The following ZFAND3 variants were observed in gnomAD, a reference collection of about 807,000 sequenced individuals.
ZFAND3 encodes AN1-type zinc finger protein 3.
ZFAND3 carries 10 observed loss-of-function variants against 29.6 expected under a neutral mutation model. The observed-to-expected ratio is 0.34, with a 90% confidence interval of 0.21 to 0.57. The LOEUF (loss-of-function observed/expected upper bound fraction) is 0.57. Ranked by LOEUF, ZFAND3 falls within the 20% of genes least tolerant of loss-of-function variation. The probability of loss-of-function intolerance (pLI) is 0.86; values close to 1 mark genes in which losing one functional copy is unlikely to be tolerated. For synonymous variants in ZFAND3, 128 were observed against 112.6 expected (o/e 1.14, Z -0.87); for missense variants, 230 against 304.5 (o/e 0.76, Z 1.82).
intron 2 of ZFAND3, among the ~76,000 whole-genome samples, chr6:38,041,641 T>TTCTTCTTCC (rs1763766952): frequency 1.4e-4 from 2 of 14,582 alleles, no homozygotes; most frequent in African/African-American, 5.0e-4. Context: ...TTTCTTCTTC[T>TTCTTCTTCC]TCTTCTTCTT....
chr6:37,849,068 A>G (rs547374352), intron 1 of ZFAND3, among the ~76,000 whole-genome samples: 23 of 152,324 alleles, frequency 1.5e-4, no homozygotes, highest in South Asian at 8.3e-4. Context: ...AGTGTCTTCT[A>G]TTATTCTGGT....
chr6:38,008,578 C>T (rs1763090758), intron 2 of ZFAND3, among the ~76,000 whole-genome samples: 1 of 152,120 alleles, frequency 6.6e-6, no homozygotes, highest in Non-Finnish European at 1.5e-5. Context: ...ATGAGAACGC[C>T]ACTGTGGACA....
chr6:37,994,002 A>G (rs1561959289), intron 2 of ZFAND3, among the ~76,000 whole-genome samples: 1 of 152,204 alleles, frequency 6.6e-6, no homozygotes, highest in Non-Finnish European at 1.5e-5. Flanking sequence ...CCAACAGAGT[A>G]TATCATAGGA....
intron 2 of ZFAND3, among the ~76,000 whole-genome samples, chr6:37,942,849 A>G (rs1375921151): frequency 1.3e-5 from 2 of 152,172 alleles, no homozygotes; most frequent in Non-Finnish European, 1.5e-5. Context: ...TTTAGCTGAT[A>G]TAGCAGATAA....
intron 1 of ZFAND3, among the ~76,000 whole-genome samples, chr6:37,921,174 A>G (rs1024795829): frequency 2.0e-5 from 3 of 152,150 alleles, no homozygotes; most frequent in African/African-American, 7.2e-5. Context: ...GAATTCAGAA[A>G]TGTGACTAAT....
At chr6:38,055,800 T>G (rs1412895298) in intron 2 of ZFAND3, among the ~76,000 whole-genome samples, 2 of 152,158 alleles carry the variant, frequency 1.3e-5, no homozygotes, top group Non-Finnish European at 2.9e-5. Context: ...ATGCTAAGAG[T>G]ACCCTTAAAG....
intron 1 of ZFAND3, among the ~76,000 whole-genome samples, chr6:37,852,075 C>G (rs1203052633): frequency 6.6e-6 from 1 of 152,182 alleles, no homozygotes; most frequent in African/African-American, 2.4e-5. Context: ...TGCTTTTGGG[C>G]TTAGTTTATA....
At chr6:37,886,237 C>CAAAAAAA (rs55661554) in intron 1 of ZFAND3, among the ~76,000 whole-genome samples, 5 of 95,300 alleles carry the variant, frequency 5.2e-5, no homozygotes, top group Non-Finnish European at 8.5e-5. Context: ...GACTCTGTCT[C>CAAAAAAA]AAAAAAAAAA....
intron 1 of ZFAND3, among the ~76,000 whole-genome samples, chr6:37,828,856 T>C (rs2127366815): frequency 6.6e-6 from 1 of 152,228 alleles, no homozygotes; most frequent in Admixed American, 6.5e-5. Flanking sequence ...TTCACCGTGT[T>C]AGCCAGGATG....
intron 5 of ZFAND3, among the ~76,000 whole-genome samples, chr6:38,117,255 CCTTTT>C (rs1562005621): frequency 8.1e-6 from 1 of 123,332 alleles, no homozygotes; most frequent in African/African-American, 3.0e-5. Flanking sequence ...CTTGAAATAG[CCTTTT>C]TTTTTTTTTT....
At chr6:37,953,441 CTTTTTT>C (rs35182018) in intron 2 of ZFAND3, among the ~76,000 whole-genome samples, 11 of 106,210 alleles carry the variant, frequency 1.0e-4, no homozygotes, top group South Asian at 3.0e-4. Flanking sequence ...GCATAATTAT[CTTTTTT>C]TTTTTTTTTT....
chr6:38,024,470 CAAA>C (rs34123545), intron 2 of ZFAND3, among the ~76,000 whole-genome samples: 3 of 112,664 alleles, frequency 2.7e-5, no homozygotes, highest in South Asian at 2.6e-4. Context: ...GACTCCGTCT[CAAA>C]AAAAAAAAAA....
At chr6:37,849,591 G>C (rs1182860816) in intron 1 of ZFAND3, among the ~76,000 whole-genome samples, 1 of 152,134 alleles carries the variant, frequency 6.6e-6, no homozygotes, top group South Asian at 2.1e-4. Flanking sequence ...TGTATTTTTA[G>C]TAGAGACGGG....
At chr6:38,066,614 G>A (rs975263171) in intron 3 of ZFAND3, among the ~76,000 whole-genome samples, 4 of 152,066 alleles carry the variant, frequency 2.6e-5, no homozygotes, top group African/African-American at 7.2e-5. Flanking sequence ...GCTTGTGGAA[G>A]GTTTTATTAT....
chr6:38,113,697 T>C (rs1344911117), intron 4 of ZFAND3, among the ~76,000 whole-genome samples: 1 of 152,200 alleles, frequency 6.6e-6, no homozygotes, highest in Non-Finnish European at 1.5e-5. Flanking sequence ...ACTCATACAT[T>C]TAAAAAATTT....
intron 2 of ZFAND3, among the ~76,000 whole-genome samples, chr6:38,030,026 C>A: frequency 8.5e-6 from 1 of 117,802 alleles, no homozygotes; most frequent in African/African-American, 3.2e-5. Context: ...CTTTCTTTAG[C>A]ATTTCTTGTT....
chr6:38,036,816 G>C (rs1384369842), intron 2 of ZFAND3, among the ~76,000 whole-genome samples: 1 of 151,910 alleles, frequency 6.6e-6, no homozygotes, highest in Non-Finnish European at 1.5e-5. Context: ...TCTTAACTAT[G>C]TTTTCCAGGC....
chr6:37,949,369 A>G (rs938985800), intron 2 of ZFAND3, among the ~76,000 whole-genome samples: 11 of 152,052 alleles, frequency 7.2e-5, no homozygotes, highest in Admixed American at 2.0e-4. Flanking sequence ...CTACTCTCAC[A>G]CCACAGCAGT....
At chr6:37,855,864 A>C (rs917000167) in intron 1 of ZFAND3, among the ~76,000 whole-genome samples, 1 of 152,182 alleles carries the variant, frequency 6.6e-6, no homozygotes, top group Non-Finnish European at 1.5e-5. Context: ...TAAAATAACG[A>C]CATTGTTAAT....
Sources: gnomAD v4.1 joint callset for allele counts (sites outside exome capture counted in the v4.1 genomes callset) on GRCh38, gnomAD v4.1.1 for gene constraint, MANE v1.5 for transcripts, NCBI Gene and HGNC (gene_info 2026-07-23, HGNC 2026-07-21) for gene names.